PDE1C: variants seen among roughly 807,000 people sequenced by gnomAD.
The protein encoded by PDE1C is phosphodiesterase 1C.
PDE1C carries 62 observed loss-of-function variants against 93.1 expected under a neutral mutation model. That is an observed-to-expected ratio of 0.67 (90% CI 0.54 to 0.82). PDE1C has a LOEUF of 0.82. Among genes scored for constraint, PDE1C ranks in the 40% least tolerant of loss-of-function variants. The probability of loss-of-function intolerance (pLI) is 0.00; values close to 1 mark genes in which losing one functional copy is unlikely to be tolerated. For missense variants in PDE1C, 742 were observed against 884.6 expected (o/e 0.84, Z 2.04); for synonymous variants, 325 against 310.1 (o/e 1.05, Z -0.50).
At chr7:31,994,263 G>A (rs546028002) in intron 2 of PDE1C, among the ~76,000 whole-genome samples, 91 of 152,242 alleles carry the variant, frequency 6.0e-4, no homozygotes, top group Admixed American at 1.8e-3. Flanking sequence ...TCACCTGGAT[G>A]TGTAATTCAT....
chr7:32,060,011 A>G (rs1794614706), intron 1 of PDE1C, among the ~76,000 whole-genome samples: 1 of 152,222 alleles, frequency 6.6e-6, no homozygotes, highest in Non-Finnish European at 1.5e-5. Context: ...CAGTAAGAAA[A>G]GCTAAAAGCA....
rs191285386 is a variant in PDE1C at position 32,328,974 on chromosome 7, T to C, written c.310+98848A>G. On this transcript the variant is annotated intron_variant, in intron 1 of 1. Transcript: ENST00000672256. Reference sequence around the variant, plus strand: ...CTGGCCAGGCGTGACAGCTCACACCTGTAATCCAGCACTTTGGGAGGCCAA... The same window carrying C: ...CTGGCCAGGCGTGACAGCTCACACCCGTAATCCAGCACTTTGGGAGGCCAA... Among the ~76,000 whole-genome samples the C allele has an allele frequency of 1.7e-3, 253 of 152,292 alleles. 2 individuals carry two copies. The highest frequency in any genetic ancestry group is 5.8e-3 in the African/African-American group (241 of 41,550).
At chr7:32,422,062 T>C (rs1785442174) in intron 1 of PDE1C, among the ~76,000 whole-genome samples, 1 of 152,166 alleles carries the variant, frequency 6.6e-6, no homozygotes, top group Non-Finnish European at 1.5e-5. Flanking sequence ...TGAAAGGAAG[T>C]GTGTTGGGGA....
At chr7:32,237,829 G>A (rs922073054) in intron 1 of PDE1C, among the ~76,000 whole-genome samples, 3 of 136,862 alleles carry the variant, frequency 2.2e-5, no homozygotes, top group Non-Finnish European at 4.6e-5. Flanking sequence ...GTAGTGCAAT[G>A]GCATGATCTC....
chr7:32,341,072 T>C (rs1352369352), intron 1 of PDE1C, among the ~76,000 whole-genome samples: 1 of 151,600 alleles, frequency 6.6e-6, no homozygotes, highest in East Asian at 1.9e-4. Flanking sequence ...GGGATGTTGA[T>C]AGCAGGGTAG....
chr7:31,773,852 T>A (rs6947357), intron 17 of PDE1C, among the ~76,000 whole-genome samples: 1 of 151,874 alleles, frequency 6.6e-6, no homozygotes, highest in Admixed American at 6.6e-5. Context: ...CCTATCAATG[T>A]ACAACAGGAC....
chr7:31,795,031 T>A (rs1369947213), intron 16 of PDE1C, among the ~76,000 whole-genome samples: 1 of 151,966 alleles, frequency 6.6e-6, no homozygotes, highest in Non-Finnish European at 1.5e-5. Flanking sequence ...TGCAGCGGAC[T>A]AATACTTAAG....
chr7:32,110,450 T>C (rs62458868), intron 3 of PDE1C, among the ~76,000 whole-genome samples: 1 of 152,152 alleles, frequency 6.6e-6, no homozygotes, highest in Non-Finnish European at 1.5e-5. Context: ...ACGTGGAAGT[T>C]GTGGGAGTTA....
chr7:32,250,531 G>C (rs1287565630), intron 1 of PDE1C, among the ~76,000 whole-genome samples: 1 of 152,192 alleles, frequency 6.6e-6, no homozygotes, highest in Non-Finnish European at 1.5e-5. Flanking sequence ...AAACCCTGCT[G>C]TCGGCTCTAA....
chr7:31,801,503 G>A (rs1218944528), intron 16 of PDE1C, among the ~76,000 whole-genome samples: 1 of 151,422 alleles, frequency 6.6e-6, no homozygotes, highest in Non-Finnish European at 1.5e-5. Context: ...TTCTAGGAAT[G>A]CCAATTATGT....
intron 1 of PDE1C, among the ~76,000 whole-genome samples, chr7:32,325,218 GCGTCACC>G (rs1351207302): frequency 1.3e-5 from 2 of 152,234 alleles, no homozygotes; most frequent in East Asian, 3.9e-4. Context: ...GCTGCAGCCT[GCGTCACC>G]CTGAAGAGAG....
chr7:31,820,675 C>T (rs367870562), intron 14 of PDE1C: 5 of 152,058 alleles, frequency 3.3e-5, no homozygotes, highest in African/African-American at 9.7e-5. Context: ...ACAAAACAGC[C>T]ACCACCAACA....
chr7:32,385,998 T>C (rs1318758091), intron 1 of PDE1C, among the ~76,000 whole-genome samples: 1 of 152,010 alleles, frequency 6.6e-6, no homozygotes, highest in Admixed American at 6.6e-5. Flanking sequence ...GCAGCTCTGG[T>C]TGTGAGATTG....
intron 1 of PDE1C, among the ~76,000 whole-genome samples, chr7:32,331,079 A>G (rs1783504276): frequency 6.6e-6 from 1 of 152,206 alleles, no homozygotes; most frequent in Admixed American, 6.5e-5. Flanking sequence ...TCTCAGATCA[A>G]TAAGATCTTA....
intron 16 of PDE1C, chr7:31,789,778 T>A: frequency 1.0e-6 from 1 of 988,120 alleles, no homozygotes; most frequent in Non-Finnish European, 1.2e-6. Context: ...GGCTGTATCA[T>A]CAGTAGCCAG....
At chr7:32,065,021 A>G (rs770331684) in intron 1 of PDE1C, among the ~76,000 whole-genome samples, 94 of 114,478 alleles carry the variant, frequency 8.2e-4, no homozygotes, top group Admixed American at 4.1e-3. Flanking sequence ...AGACCAATTC[A>G]GGGGCCAACT....
intron 2 of PDE1C, among the ~76,000 whole-genome samples, chr7:32,018,002 C>T (rs1243117996): frequency 2.6e-5 from 4 of 151,828 alleles, no homozygotes; most frequent in Non-Finnish European, 5.9e-5. Context: ...ATTGCTTGAG[C>T]CCGGGAAGTG....
the PDE1C span, among the ~76,000 whole-genome samples, chr7:31,624,365 C>T: frequency 6.8e-6 from 1 of 147,104 alleles, no homozygotes; most frequent in African/African-American, 2.5e-5. Flanking sequence ...TACCTGACTT[C>T]AAACTATACT....
rs150977834 is a variant in PDE1C at position 31,836,731 on chromosome 7, C to G, written c.1203+449G>C. On this transcript the variant is annotated intron_variant, in intron 11 of 17. Transcript: ENST00000396191. ...GCAGTTTCTAGTGATTTCCTGACCC[C>G]AAATTGCCACATCTGGTTTGGAATT... Among the ~76,000 whole-genome samples, 29 of 152,210 alleles carry G rather than the reference C, an allele frequency of 1.9e-4. 1 individual carries two copies. The East Asian group carries it at 5.6e-3, about 29-fold the overall frequency.
Sources: gnomAD v4.1 joint callset for allele counts (sites outside exome capture counted in the v4.1 genomes callset) on GRCh38, gnomAD v4.1.1 for gene constraint, MANE v1.5 for transcripts, NCBI Gene and HGNC (gene_info 2026-07-23, HGNC 2026-07-21) for gene names.